CHRM3: variants seen among roughly 807,000 people sequenced by gnomAD.
CHRM3 encodes cholinergic receptor muscarinic 3, also known as muscarinic acetylcholine receptor M3.
In CHRM3, 11 loss-of-function variants were observed where a neutral mutation model predicts 41.8. The observed-to-expected ratio is 0.26, with a 90% CI of 0.17 to 0.44. CHRM3 has a LOEUF of 0.44. CHRM3 is among the 20% of genes least tolerant of loss of function. The pLI, the probability that CHRM3 is intolerant of heterozygous loss-of-function variation, is 1.00. For synonymous variants in CHRM3, 297 were observed against 301.4 expected (o/e 0.99, Z 0.15); for missense variants, 571 against 745.4 (o/e 0.77, Z 2.72).
chr1:239,887,046 A>G (rs1227810919), intron 6 of CHRM3, among the ~76,000 whole-genome samples: 1 of 152,070 alleles, frequency 6.6e-6, no homozygotes, highest in Non-Finnish European at 1.5e-5. Context: ...GCATTCATTC[A>G]TGTTCCTCGT....
At chr1:239,588,940 C>CTT (rs542992711) in intron 3 of CHRM3, among the ~76,000 whole-genome samples, 53 of 146,190 alleles carry the variant, frequency 3.6e-4, no homozygotes, top group African/African-American at 1.3e-3. Flanking sequence ...TATGAAGCAT[C>CTT]TTTTTTTTTT....
At chr1:239,904,422 T>C (rs1679814306) in intron 6 of CHRM3, among the ~76,000 whole-genome samples, 7 of 152,190 alleles carry the variant, frequency 4.6e-5, no homozygotes, top group Admixed American at 4.6e-4. Context: ...GTTGACCTGA[T>C]TAAAGGCACA....
intron 1 of CHRM3, among the ~76,000 whole-genome samples, chr1:239,467,355 G>T (rs747426811): frequency 1.3e-5 from 2 of 152,080 alleles, no homozygotes; most frequent in Non-Finnish European, 2.9e-5. Flanking sequence ...AGGCTGGAGT[G>T]CACTGGTGCG....
At chr1:239,730,917 A>G (rs1663907834) in intron 5 of CHRM3, among the ~76,000 whole-genome samples, 2 of 151,996 alleles carry the variant, frequency 1.3e-5, no homozygotes, top group Admixed American at 6.6e-5. Context: ...CTAAAGCAGT[A>G]ACATCAGGGA....
chr1:239,486,711 C>G (rs554997603), intron 1 of CHRM3, among the ~76,000 whole-genome samples: 56 of 152,166 alleles, frequency 3.7e-4, no homozygotes, highest in African/African-American at 1.3e-3. Context: ...TTTACCAACC[C>G]CTGATTTAGA....
At chr1:239,611,948 T>C (rs1403314800) in intron 3 of CHRM3, among the ~76,000 whole-genome samples, 1 of 152,194 alleles carries the variant, frequency 6.6e-6, no homozygotes, top group Non-Finnish European at 1.5e-5. Flanking sequence ...GTATGTATGA[T>C]TCTAACTTAT....
rs1558195793 is a variant in CHRM3 at position 239,404,414 on chromosome 1, GAAAGAAAGAA to G, written c.-521+17189_-521+17198del. On this transcript the variant is annotated intron_variant, in intron 1 of 6. Transcript: ENST00000676153. The stretch of plus-strand genomic sequence containing the variant: ...AAAGAAAGAAAGAAAGAAAGAAAAA[GAAAGAAAGAA>G]AGAAAGAAAGAAAGAAAGAAAGAAA... Among the ~76,000 whole-genome samples, 109 of 51,212 alleles carry G rather than the reference GAAAGAAAGAA, an allele frequency of 2.1e-3. 1 individual carries two copies. Among genetic ancestry groups the G allele is most frequent in the East Asian group, 0.019 (31 of 1,666 alleles). The allele number at this position is 51,212 out of a possible 152,430, so 33.6% of individuals were successfully genotyped here. A position where few individuals can be genotyped will look rare whatever the true frequency, so the allele number is the denominator to read the frequency against.
intron 2 of CHRM3, among the ~76,000 whole-genome samples, chr1:239,506,628 C>T (rs915809585): frequency 6.6e-6 from 1 of 152,152 alleles, no homozygotes; most frequent in Non-Finnish European, 1.5e-5. Context: ...GGGTCAGAGC[C>T]CCCACACAGA....
intron 6 of CHRM3, among the ~76,000 whole-genome samples, chr1:239,899,238 C>T (rs983715851): frequency 6.6e-6 from 1 of 150,984 alleles, no homozygotes; most frequent in African/African-American, 2.4e-5. Context: ...TTTTAATTCT[C>T]ATATTGGCCC....
At chr1:239,421,886 T>C (rs1042512238) in intron 1 of CHRM3, among the ~76,000 whole-genome samples, 3 of 152,202 alleles carry the variant, frequency 2.0e-5, no homozygotes, top group African/African-American at 7.2e-5. Flanking sequence ...CTTAATTCTT[T>C]TCTTTTCACT....
At chr1:239,455,144 C>T (rs1022494754) in intron 1 of CHRM3, among the ~76,000 whole-genome samples, 4 of 151,976 alleles carry the variant, frequency 2.6e-5, no homozygotes, top group East Asian at 1.9e-4. Context: ...CTCTGCCACC[C>T]GGGTTCAAGC....
chr1:239,490,580 TA>T (rs1468532849), intron 1 of CHRM3, among the ~76,000 whole-genome samples: 1 of 152,028 alleles, frequency 6.6e-6, no homozygotes, highest in Non-Finnish European at 1.5e-5. Context: ...TATTACTATT[TA>T]TCTTTTGAGA....
intron 5 of CHRM3, among the ~76,000 whole-genome samples, chr1:239,756,286 TCTC>T (rs1481975655): frequency 6.6e-6 from 1 of 152,162 alleles, no homozygotes; most frequent in Non-Finnish European, 1.5e-5. Context: ...GAAGGGAGCT[TCTC>T]CTAGTCAGTC....
chr1:239,864,060 C>T (rs1264451128), intron 6 of CHRM3, among the ~76,000 whole-genome samples: 1 of 149,826 alleles, frequency 6.7e-6, no homozygotes, highest in African/African-American at 2.5e-5. Context: ...TGATAAAATT[C>T]AGTCCGTTCT....
intron 2 of CHRM3, among the ~76,000 whole-genome samples, chr1:239,537,628 T>C (rs1658333563): frequency 6.6e-6 from 1 of 152,178 alleles, no homozygotes; most frequent in Non-Finnish European, 1.5e-5. Flanking sequence ...ATTCCGTTTG[T>C]TCCCTAAATA....
intron 3 of CHRM3, among the ~76,000 whole-genome samples, chr1:239,586,757 A>T (rs1317892487): frequency 6.6e-6 from 1 of 152,180 alleles, no homozygotes; most frequent in Non-Finnish European, 1.5e-5. Flanking sequence ...TCAGTGAGTT[A>T]TAATTATTTC....
chr1:239,832,028 G>A (rs1672933971), intron 6 of CHRM3, among the ~76,000 whole-genome samples: 1 of 152,142 alleles, frequency 6.6e-6, no homozygotes, highest in South Asian at 2.1e-4. Flanking sequence ...TTTTTGGCTT[G>A]TGACCTTTAT....
At chr1:239,706,969 T>C (rs1393312848) in intron 5 of CHRM3, 1 of 152,220 alleles carries the variant, frequency 6.6e-6, no homozygotes, top group African/African-American at 2.4e-5. Flanking sequence ...AGAATGATAT[T>C]TTTTCAACTT....
At chr1:239,551,061 A>T (rs1659759990) in intron 3 of CHRM3, among the ~76,000 whole-genome samples, 1 of 150,342 alleles carries the variant, frequency 6.7e-6, no homozygotes, top group Non-Finnish European at 1.5e-5. Context: ...TATATAATTT[A>T]TATATATACT....
Sources: gnomAD v4.1 joint callset for allele counts (sites outside exome capture counted in the v4.1 genomes callset) on GRCh38, gnomAD v4.1.1 for gene constraint, MANE v1.5 for transcripts, NCBI Gene and HGNC (gene_info 2026-07-23, HGNC 2026-07-21) for gene names.